The following PCDH11X variants were observed in gnomAD, a reference collection of about 807,000 sequenced individuals.
PCDH11X encodes protocadherin-11 X-linked.
Under a neutral mutation model 53.3 loss-of-function variants are expected in PCDH11X, and 18 were observed. The ratio of observed to expected loss-of-function variants is 0.34; its 90% CI spans 0.23 to 0.50. PCDH11X has a LOEUF of 0.50. Among genes scored for constraint, PCDH11X ranks in the 20% least tolerant of loss-of-function variants. PCDH11X has a pLI of 0.98. For missense variants in PCDH11X, 570 were observed against 1,032.4 expected (o/e 0.55, Z 6.14); for synonymous variants, 279 against 393.3 (o/e 0.71, Z 3.44).
intron 10 of PCDH11X, among the ~76,000 whole-genome samples, chrX:92,471,627 A>T (rs2073264841): frequency 1.8e-5 from 2 of 110,813 alleles, no homozygotes; most frequent in African/African-American, 6.6e-5. Flanking sequence ...ATATATTCCC[A>T]GTAATGGGAT....
chrX:92,039,753 G>T (rs892516990), intron 6 of PCDH11X, among the ~76,000 whole-genome samples: 5 of 111,604 alleles, frequency 4.5e-5, no homozygotes, highest in Non-Finnish European at 9.4e-5. Flanking sequence ...AGTTCCCTTT[G>T]CTTTTCCCTC....
intron 6 of PCDH11X, among the ~76,000 whole-genome samples, chrX:92,074,074 T>C (rs2063741354): frequency 9.0e-6 from 1 of 111,695 alleles, no homozygotes; most frequent in African/African-American, 3.3e-5. Flanking sequence ...GATATGTTTA[T>C]AAATGCATGA....
intron 7 of PCDH11X, among the ~76,000 whole-genome samples, chrX:92,208,290 A>G (rs1042728086): frequency 9.6e-6 from 1 of 104,392 alleles, no homozygotes. Context: ...ACATTAACTC[A>G]TGTAATTTTC....
intron 9 of PCDH11X, among the ~76,000 whole-genome samples, chrX:92,428,906 C>T (rs1162907531): frequency 9.0e-6 from 1 of 111,090 alleles, no homozygotes; most frequent in Non-Finnish European, 1.9e-5. Flanking sequence ...GAGGGGATAA[C>T]ACTTCATAGA....
chrX:92,479,641 C>T (rs2073460406), intron 10 of PCDH11X, among the ~76,000 whole-genome samples: 1 of 109,583 alleles, frequency 9.1e-6, no homozygotes, highest in Non-Finnish European at 1.9e-5. Context: ...AGATATGAAA[C>T]TCTGGGTTGA....
chrX:92,094,784 A>G (rs2148124488), intron 6 of PCDH11X, among the ~76,000 whole-genome samples: 1 of 111,804 alleles, frequency 8.9e-6, no homozygotes, highest in South Asian at 3.7e-4. Context: ...TTGGGGAAAA[A>G]CAACAACAAC....
chrX:92,338,083 C>A (rs35881528), intron 8 of PCDH11X, among the ~76,000 whole-genome samples: 1 of 111,260 alleles, frequency 9.0e-6, no homozygotes, highest in Admixed American at 9.6e-5. Context: ...TGTTTTAAAA[C>A]GAAAACCCAA....
chrX:92,108,920 C>T (rs747805082), intron 6 of PCDH11X, among the ~76,000 whole-genome samples: 30 of 111,637 alleles, frequency 2.7e-4, no homozygotes, highest in African/African-American at 8.1e-4. Flanking sequence ...AACCGCCCAA[C>T]GGGTTCACCT....
At chrX:91,945,068 T>TATATATATATATATA (rs61515084) in intron 6 of PCDH11X, among the ~76,000 whole-genome samples, 28 of 89,920 alleles carry the variant, frequency 3.1e-4, no homozygotes, top group Admixed American at 1.1e-3. Context: ...TATATATATA[T>TATATATATATATATA]TCTTAAATGT....
intron 6 of PCDH11X, among the ~76,000 whole-genome samples, chrX:92,110,455 C>T (rs1048762511): frequency 2.8e-5 from 3 of 107,730 alleles, no homozygotes; most frequent in South Asian, 4.2e-4. Context: ...GACAGGTCTA[C>T]GCCTTTCTCC....
At chrX:91,789,043 A>G (rs764330307) in intron 1 of PCDH11X, among the ~76,000 whole-genome samples, 15 of 107,797 alleles carry the variant, frequency 1.4e-4, no homozygotes, top group African/African-American at 4.4e-4. Flanking sequence ...ACTAAAAAAA[A>G]TTACAAAAAT....
chrX:91,933,664 T>C (rs1163486597), intron 6 of PCDH11X, among the ~76,000 whole-genome samples: 6 of 111,538 alleles, frequency 5.4e-5, no homozygotes, highest in African/African-American at 1.9e-4. Flanking sequence ...ATTCGCTAGT[T>C]TCTTTGTTTG....
intron 6 of PCDH11X, among the ~76,000 whole-genome samples, chrX:91,890,349 A>G (rs1001517631): frequency 9.0e-6 from 1 of 111,341 alleles, no homozygotes; most frequent in African/African-American, 3.3e-5. Flanking sequence ...ATAATCACCC[A>G]GTATCCCTGA....
chrX:92,446,843 G>T (rs2072662740), intron 9 of PCDH11X, among the ~76,000 whole-genome samples: 1 of 111,394 alleles, frequency 9.0e-6, no homozygotes, highest in South Asian at 3.8e-4. Context: ...GGAAAGTTTG[G>T]AACTCCCTAG....
At chrX:91,780,229 G>T (rs1314773673) in intron 1 of PCDH11X, among the ~76,000 whole-genome samples, 2 of 111,327 alleles carry the variant, frequency 1.8e-5, no homozygotes, top group African/African-American at 6.5e-5. Flanking sequence ...TTGAGGGTAC[G>T]ACCCTTGGCG....
intron 7 of PCDH11X, among the ~76,000 whole-genome samples, chrX:92,244,270 G>A (rs909029077): frequency 9.3e-6 from 1 of 108,068 alleles, no homozygotes; most frequent in African/African-American, 3.4e-5. Flanking sequence ...TGAATAAAAT[G>A]TTTTATTTTT....
chrX:92,518,591 T>G (rs1418799750), intron 10 of PCDH11X, among the ~76,000 whole-genome samples: 1 of 110,690 alleles, frequency 9.0e-6, no homozygotes, highest in Non-Finnish European at 1.9e-5. Context: ...GTAAGTCCTC[T>G]TTCCTCAACC....
chrX:91,932,012 T>C (rs1410025997), intron 6 of PCDH11X, among the ~76,000 whole-genome samples: 1 of 110,701 alleles, frequency 9.0e-6, no homozygotes, highest in Non-Finnish European at 1.9e-5. Context: ...TCAGTGTGTG[T>C]TGTTCCCCGC....
At chrX:91,797,119 A>G (rs1241992206) in intron 1 of PCDH11X, among the ~76,000 whole-genome samples, 1 of 109,797 alleles carries the variant, frequency 9.1e-6, no homozygotes, top group Non-Finnish European at 1.9e-5. Context: ...ACATAAAAGT[A>G]CATCAGTTAA....
Sources: allele counts gnomAD v4.1 joint callset (sites outside exome capture counted in the v4.1 genomes callset), GRCh38; gene constraint gnomAD v4.1.1; transcripts MANE v1.5; gene names NCBI Gene and HGNC (gene_info 2026-07-23, HGNC 2026-07-21).